Variants in STK32B observed in about 807,000 individuals in gnomAD.
STK32B encodes serine/threonine-protein kinase 32B.
A neutral mutation model predicts 52.6 loss-of-function variants in STK32B; 43 were observed. The ratio of observed to expected loss-of-function variants is 0.82; its 90% CI spans 0.64 to 1.05. STK32B has a LOEUF of 1.05. Among genes scored for constraint, STK32B ranks in the 50% least tolerant of loss-of-function variants. The probability of loss-of-function intolerance (pLI) is 0.00; values close to 1 mark genes in which losing one functional copy is unlikely to be tolerated. For synonymous variants in STK32B, 238 were observed against 204.3 expected, an observed-to-expected ratio of 1.17 and a Z score of -1.41; for missense variants, 621 against 534.6, an observed-to-expected ratio of 1.16 and a Z score of -1.59.
chr4:5,120,353 A>G (rs189634862), intron 1 of STK32B, among the ~76,000 whole-genome samples: 2 of 152,308 alleles, frequency 1.3e-5, no homozygotes, highest in East Asian at 3.9e-4. Flanking sequence ...TTATCATCTC[A>G]TATTGTCACA....
At chr4:5,481,655 T>C (rs1003551691) in intron 11 of STK32B, among the ~76,000 whole-genome samples, 1 of 152,212 alleles carries the variant, frequency 6.6e-6, no homozygotes, top group Non-Finnish European at 1.5e-5. Flanking sequence ...ATGAAGTCCT[T>C]GCCCATGCCT....
chr4:5,082,400 C>G (rs978351287), intron 1 of STK32B, among the ~76,000 whole-genome samples: 5 of 152,116 alleles, frequency 3.3e-5, no homozygotes, highest in Non-Finnish European at 7.3e-5. Flanking sequence ...ATTGTAGGTA[C>G]CCATGTGCTA....
intron 2 of STK32B, among the ~76,000 whole-genome samples, chr4:5,152,139 C>T (rs1183088588): frequency 2.6e-5 from 4 of 152,226 alleles, no homozygotes; most frequent in South Asian, 2.1e-4. Flanking sequence ...TGGTCATTTT[C>T]GTCAGCAATT....
intron 3 of STK32B, among the ~76,000 whole-genome samples, chr4:5,295,935 T>C (rs1729170506): frequency 6.6e-6 from 1 of 152,208 alleles, no homozygotes; most frequent in Non-Finnish European, 1.5e-5. Flanking sequence ...AACACTGCTT[T>C]AACTGTCTCC....
chr4:5,243,062 CTCT>C (rs1197984711), intron 3 of STK32B, among the ~76,000 whole-genome samples: 1 of 152,122 alleles, frequency 6.6e-6, no homozygotes, highest in Non-Finnish European at 1.5e-5. Flanking sequence ...GTGATGCGGG[CTCT>C]TTTTTGGTTC....
chr4:5,426,692 C>CAA lies in STK32B; in HGVS notation c.562+9779_562+9780dup, dbSNP rs746246839. 3.3e-3 allele frequency among the ~76,000 whole-genome samples: 256 copies of CAA among 78,006 alleles called. 1 individual carries two copies. The highest frequency in any genetic ancestry group is 5.8e-3 in the South Asian group (10 of 1,732). The allele number at this position is 78,006 out of a possible 152,430, so 51.2% of individuals were successfully genotyped here. A position where few individuals can be genotyped will look rare whatever the true frequency, so the allele number is the denominator to read the frequency against. On this transcript the variant is annotated intron_variant, in intron 6 of 11. Transcript: ENST00000282908. ...GCAACAGGGCGAGACTCCATCTAAACAAAAAAAAAAAAAAAAAAAAAAGGA... is the reference window on the plus strand; with the variant it reads ...GCAACAGGGCGAGACTCCATCTAAACAAAAAAAAAAAAAAAAAAAAAAAAGGA...
Position 5,323,602 on chromosome 4 carries a change from C to A in STK32B, c.261-7618C>A, listed in dbSNP as rs1731668742. Among the ~76,000 whole-genome samples the A allele has an allele frequency of 2.6e-5, 4 of 152,300 alleles. No homozygotes were observed. In the Middle Eastern group the frequency reaches 0.014, roughly 518 times the overall value. ...GCAGGGCCTAGCACCCTTCCTTCCCCATCAACCCTCTACCCTCTGTCTTTT... is the reference window on the plus strand; with the variant it reads ...GCAGGGCCTAGCACCCTTCCTTCCCAATCAACCCTCTACCCTCTGTCTTTT... On this transcript the variant is annotated intron_variant, in intron 3 of 11. Coordinates refer to ENST00000282908, the MANE Select transcript of STK32B (RefSeq NM_018401.3).
intron 6 of STK32B, among the ~76,000 whole-genome samples, chr4:5,425,193 G>T (rs1712989481): frequency 1.3e-5 from 2 of 152,352 alleles, no homozygotes; most frequent in South Asian, 2.1e-4. Flanking sequence ...GCTGAGTGCA[G>T]CCTGCCAGGC....
chr4:5,064,294 T>G (rs1257836085), intron 1 of STK32B, among the ~76,000 whole-genome samples: 1 of 145,174 alleles, frequency 6.9e-6, no homozygotes, highest in Non-Finnish European at 1.5e-5. Context: ...ATATATTACA[T>G]GTAAAGATAT....
intron 4 of STK32B, among the ~76,000 whole-genome samples, chr4:5,362,414 C>G (rs78421435): frequency 2.0e-3 from 310 of 152,318 alleles, no homozygotes; most frequent in African/African-American, 7.1e-3. Context: ...ATCACCATCT[C>G]TCATTTGGGC....
intron 9 of STK32B, among the ~76,000 whole-genome samples, chr4:5,465,418 G>A (rs1173246722): frequency 6.6e-6 from 1 of 152,066 alleles, no homozygotes; most frequent in African/African-American, 2.4e-5. Context: ...CCCAGGTCAT[G>A]GCAAAGGCAC....
At chr4:5,485,032 C>T (rs1365164604) in intron 11 of STK32B, among the ~76,000 whole-genome samples, 2 of 151,980 alleles carry the variant, frequency 1.3e-5, no homozygotes, top group African/African-American at 2.4e-5. Flanking sequence ...TTTTTTCCTT[C>T]ATTTCAACTT....
At chr4:5,175,546 T>C (rs1719796429) in intron 3 of STK32B, among the ~76,000 whole-genome samples, 1 of 152,242 alleles carries the variant, frequency 6.6e-6, no homozygotes, top group South Asian at 2.1e-4. Context: ...TTTAGGTCTG[T>C]TGGAGTTTAA....
intron 8 of STK32B, among the ~76,000 whole-genome samples, chr4:5,458,409 C>G (rs1577539214): frequency 6.6e-6 from 1 of 152,150 alleles, no homozygotes; most frequent in South Asian, 2.1e-4. Context: ...TTACTCCTCC[C>G]AAGCCCTGTG....
chr4:5,096,453 C>T (rs568997130), intron 1 of STK32B, among the ~76,000 whole-genome samples: 16 of 152,304 alleles, frequency 1.1e-4, no homozygotes, highest in Admixed American at 3.9e-4. Flanking sequence ...CCATGTTTCC[C>T]GCACTCCAGA....
intron 3 of STK32B, among the ~76,000 whole-genome samples, chr4:5,194,179 C>T (rs1721460921): frequency 6.6e-6 from 1 of 152,106 alleles, no homozygotes; most frequent in Non-Finnish European, 1.5e-5. Flanking sequence ...GAAATTTTTT[C>T]CATCCTCAGA....
intron 3 of STK32B, among the ~76,000 whole-genome samples, chr4:5,212,337 G>A (rs1423161622): frequency 6.6e-6 from 1 of 152,152 alleles, no homozygotes; most frequent in Non-Finnish European, 1.5e-5. Flanking sequence ...GGTTATTTGT[G>A]CAAGTAATAT....
intron 1 of STK32B, among the ~76,000 whole-genome samples, chr4:5,080,837 A>G (rs1342948213): frequency 6.6e-6 from 1 of 152,204 alleles, no homozygotes; most frequent in African/African-American, 2.4e-5. Context: ...TTTCAAGCCT[A>G]CAATACATTA....
At chr4:5,053,948 G>C (rs991984101) in intron 1 of STK32B, among the ~76,000 whole-genome samples, 1 of 146,994 alleles carries the variant, frequency 6.8e-6, no homozygotes, top group Non-Finnish European at 1.5e-5. Flanking sequence ...CATTGCATTC[G>C]AGCCTGGGCA....
Sources: gnomAD v4.1 joint callset for allele counts (sites outside exome capture counted in the v4.1 genomes callset) on GRCh38, gnomAD v4.1.1 for gene constraint, MANE v1.5 for transcripts, NCBI Gene and HGNC (gene_info 2026-07-23, HGNC 2026-07-21) for gene names.